The following ZSCAN18 variants were observed in gnomAD, a reference collection of about 807,000 sequenced individuals.
ZSCAN18 encodes zinc finger and SCAN domain-containing protein 18.
Under a neutral mutation model 31.1 loss-of-function variants are expected in ZSCAN18, and 16 were observed. That is an observed-to-expected ratio of 0.51 (90% CI 0.35 to 0.78). The LOEUF (loss-of-function observed/expected upper bound fraction) is 0.78, where lower values mean the gene tolerates loss of function less well. ZSCAN18 is among the 30% of genes least tolerant of loss of function. ZSCAN18 has a pLI of 0.01. For missense variants in ZSCAN18, 731 were observed against 697.4 expected, an observed-to-expected ratio of 1.05 and a Z score of -0.54; for synonymous variants, 375 against 320.7, an observed-to-expected ratio of 1.17 and a Z score of -1.81.
At chr19:58,085,477 C>T in intron 6 of ZSCAN18, 98 bp from the exon 7 acceptor site, 1 of 1,128,190 alleles carries the variant, frequency 8.9e-7, no homozygotes, top group Non-Finnish European at 1.2e-6. Flanking sequence ...GCACAGGGCT[C>T]CGGGCTCTGG....
At chr19:58,094,193 C>T (rs919149322) in intron 1 of ZSCAN18, among the ~76,000 whole-genome samples, 2 of 150,794 alleles carry the variant, frequency 1.3e-5, no homozygotes, top group African/African-American at 2.4e-5. Flanking sequence ...GTCAGGAGAT[C>T]GAGACCATCC....
chr19:58,092,225 G>T (rs1365979460), intron 1 of ZSCAN18, among the ~76,000 whole-genome samples: 2 of 151,982 alleles, frequency 1.3e-5, no homozygotes, highest in African/African-American at 4.8e-5. Flanking sequence ...CTTTAAATAG[G>T]TAAACCTCAC....
intron 1 of ZSCAN18, among the ~76,000 whole-genome samples, chr19:58,111,020 G>C (rs1323916771): frequency 6.6e-6 from 1 of 151,998 alleles, no homozygotes; most frequent in Non-Finnish European, 1.5e-5. Context: ...TACAAAATAT[G>C]AGCCAGGCGT....
Position 58,085,270 on chromosome 19 carries a change from A to T in ZSCAN18, c.948T>A (p.Asp316Glu), listed in dbSNP as rs201106105. The change falls in exon 7 of 7, where the codon GAT becomes GAA. Residue 316 changes from aspartate (D) to glutamate (E), a missense_variant. Physicochemically the swap from Asp to Glu is conservative, Grantham distance 45. Transcript: ENST00000601144. ...CCTCCTCAGTGGTGCCCGACGGGGGATCGGCAAGGGCGTCCCCAGGGGGCG... is the reference window on the plus strand; with the variant it reads ...CCTCCTCAGTGGTGCCCGACGGGGGTTCGGCAAGGGCGTCCCCAGGGGGCG... ...TEAPPGDALA[D>E]PPSGTTEEEE... is the part of the protein sequence containing the mutation. 6.7e-5 allele frequency: 108 copies of T among 1,602,566 alleles called. No individual in the cohort carries two copies. Among genetic ancestry groups the T allele is most frequent in the Non-Finnish European group, 8.1e-5 (96 of 1,177,976 alleles).
chr19:58,089,901 G>A lies in ZSCAN18; in HGVS notation c.367C>T (p.Leu123=), dbSNP rs779840663. ...AGGACATCAGCGAGGCCCTCCACCAGGGAGGCTGCCTTCTTGCAGCTCTCA... is the reference window on the plus strand; with the variant it reads ...AGGACATCAGCGAGGCCCTCCACCAAGGAGGCTGCCTTCTTGCAGCTCTCA... ...YPESCKKAAS[L]VEGLADVLEE... is the part of the protein sequence containing the mutation. Residue 123 remains leucine (L), a synonymous_variant, in exon 2 of 7, where the codon CTG becomes TTG. Transcript: ENST00000601144. 1.9e-6 allele frequency: 3 copies of A among 1,613,246 alleles called. No individual in the cohort carries two copies. The highest frequency in any genetic ancestry group is 2.5e-6 in the Non-Finnish European group (3 of 1,179,378).
intron 1 of ZSCAN18, among the ~76,000 whole-genome samples, chr19:58,107,023 A>T (rs570219098): frequency 2.0e-5 from 3 of 151,686 alleles, no homozygotes; most frequent in Admixed American, 2.0e-4. Flanking sequence ...TTGGCCTCCC[A>T]AAGTGCTGGG....
chr19:58,111,931 CAAT>C (rs1479054778), intron 1 of ZSCAN18, among the ~76,000 whole-genome samples: 2 of 152,162 alleles, frequency 1.3e-5, no homozygotes, highest in African/African-American at 4.8e-5. Flanking sequence ...TAAGACATCA[CAAT>C]AACAGGATAA....
chr19:58,104,149 G>A (rs1182597440), intron 1 of ZSCAN18, among the ~76,000 whole-genome samples: 2 of 151,834 alleles, frequency 1.3e-5, no homozygotes, highest in African/African-American at 2.4e-5. Flanking sequence ...GAGGCCAAGC[G>A]GGATGGATCA....
intron 1 of ZSCAN18, among the ~76,000 whole-genome samples, chr19:58,113,534 A>T (rs2074704845): frequency 1.3e-5 from 2 of 152,194 alleles, no homozygotes; most frequent in South Asian, 2.1e-4. Flanking sequence ...GGAGGCATGT[A>T]GCATTTCATC....
chr19:58,086,089 C>A (rs1186103457), intron 6 of ZSCAN18, 85 bp downstream of exon 6: 7 of 1,139,586 alleles, frequency 6.1e-6, no homozygotes, highest in Non-Finnish European at 9.2e-6. Flanking sequence ...TTTGCTGGGG[C>A]TGATGGCGCT....
At position 58,090,124 on chromosome 19, in the gene ZSCAN18, G is replaced by T. The variant is rs868515616; in HGVS notation, c.144C>A (p.Ser48=). 2 of 1,613,842 alleles carry T rather than the reference G, an allele frequency of 1.2e-6. No individual in the cohort carries two copies. The highest frequency in any genetic ancestry group is 2.7e-5 in the African/African-American group (2 of 75,046). Residue 48 remains serine, a synonymous_variant, in exon 2 of 7, where the codon TCC becomes TCA. Coordinates refer to ENST00000601144, the MANE Select transcript of ZSCAN18 (RefSeq NM_001145543.2). The surrounding 1 kb of genome is among the most constrained non-coding windows in gnomAD (Gnocchi z 4.7). ...PERTPADLEF[S]RLRFREFVYQ... ...AGACAAATTCCCGGAAACGCAGGCGGGAGAACTCCAGGTCAGCAGGGGTCC... is the reference window on the plus strand; with the variant it reads ...AGACAAATTCCCGGAAACGCAGGCGTGAGAACTCCAGGTCAGCAGGGGTCC...
upstream of ZSCAN18, among the ~76,000 whole-genome samples, chr19:58,101,887 C>T (rs552231054): frequency 6.6e-6 from 1 of 152,060 alleles, no homozygotes; most frequent in East Asian, 1.9e-4. Flanking sequence ...TTACATGGTC[C>T]TGCACCAGTG....
chr19:58,116,358 C>T (rs10424179), intron 1 of ZSCAN18, among the ~76,000 whole-genome samples: 27,655 of 150,888 alleles, frequency 0.18, 2,816 homozygotes, highest in Non-Finnish European at 0.24. Context: ...TTACTGAACA[C>T]GTACTGTATG....
chr19:58,088,950 C>A, intron 2 of ZSCAN18, 113 bp from the exon 3 acceptor site: 2 of 979,752 alleles, frequency 2.0e-6, no homozygotes, highest in South Asian at 1.8e-5. Context: ...ACTACCCATC[C>A]TGCACCTCAT....
intron 3 of ZSCAN18, 132 bp from the exon 4 acceptor site, chr19:58,087,536 C>A (rs927561637): frequency 8.1e-6 from 6 of 742,060 alleles, no homozygotes; most frequent in Admixed American, 2.5e-5. Context: ...CAAGGCTCAA[C>A]GGACACTACA....
At chr19:58,086,366 T>G (rs1045977303) in intron 5 of ZSCAN18, 100 bp from the exon 6 acceptor site, 5 of 1,026,664 alleles carry the variant, frequency 4.9e-6, no homozygotes, top group African/African-American at 3.2e-5. Context: ...GCAGCCCACC[T>G]CCTCTTCTCT....
At chr19:58,103,938 A>G (rs1392102783) in intron 1 of ZSCAN18, among the ~76,000 whole-genome samples, 1 of 152,226 alleles carries the variant, frequency 6.6e-6, no homozygotes, top group Admixed American at 6.5e-5. Flanking sequence ...CTTGTCGCCA[A>G]TAGGGAGAAA....
intron 1 of ZSCAN18, among the ~76,000 whole-genome samples, chr19:58,112,826 C>T (rs1312595999): frequency 2.7e-5 from 4 of 150,778 alleles, no homozygotes; most frequent in Non-Finnish European, 4.4e-5. Context: ...TGGCGGGCAA[C>T]TGTAATCCCA....
chr19:58,107,598 A>G (rs2074644902), intron 1 of ZSCAN18: 1 of 918,390 alleles, frequency 1.1e-6, no homozygotes, highest in African/African-American at 1.8e-5. Flanking sequence ...CCATGCGGTA[A>G]ACACATGTGC....
Sources: allele counts gnomAD v4.1 joint callset (sites outside exome capture counted in the v4.1 genomes callset), GRCh38; gene constraint gnomAD v4.1.1; non-coding constraint Gnocchi (gnomAD v3.1); transcripts MANE v1.5; gene names NCBI Gene and HGNC (gene_info 2026-07-23, HGNC 2026-07-21).